Variants in TANC2 observed in about 807,000 individuals in gnomAD.
TANC2 encodes protein TANC2.
TANC2 carries 26 observed loss-of-function variants against 210.5 expected under a neutral mutation model. The observed-to-expected ratio is 0.12, with a 90% CI of 0.09 to 0.17. The LOEUF is 0.17. Ranked by LOEUF, TANC2 falls within the 10% of genes least tolerant of loss-of-function variation. TANC2 has a pLI of 1.00. For synonymous variants in TANC2, 931 were observed against 967.1 expected, an observed-to-expected ratio of 0.96 and a Z score of 0.69; for missense variants, 2,129 against 2,608.9, an observed-to-expected ratio of 0.82 and a Z score of 4.01.
intron 2 of TANC2, among the ~76,000 whole-genome samples, chr17:63,053,725 A>T (rs1178105857): frequency 6.6e-6 from 1 of 152,236 alleles, no homozygotes; most frequent in Non-Finnish European, 1.5e-5. Context: ...AACTCCGCAT[A>T]GTCTCCTCAT....
At chr17:63,320,552 A>G (rs1238895165) in intron 11 of TANC2, 1 of 152,206 alleles carries the variant, frequency 6.6e-6, no homozygotes, top group Non-Finnish European at 1.5e-5. Context: ...AAGCATCATT[A>G]TTCTATGCTT....
chr17:63,422,030 T>C, exon 28 of TANC2: 1 of 1,498,658 alleles, frequency 6.7e-7, no homozygotes, highest in East Asian at 2.3e-5. Context: ...TTCGAGGTAG[T>C]TCTCTGGCTT....
At chr17:63,230,772 A>G (rs897135947) in intron 7 of TANC2, among the ~76,000 whole-genome samples, 4 of 152,284 alleles carry the variant, frequency 2.6e-5, no homozygotes, top group Middle Eastern at 3.4e-3. Flanking sequence ...TTCTGTAGCT[A>G]TCTATCAGAT....
At chr17:63,389,595 A>G in intron 17 of TANC2, 51 bp downstream of exon 17, 2 of 1,486,846 alleles carry the variant, frequency 1.3e-6, no homozygotes, top group Non-Finnish European at 1.8e-6. Context: ...TTTATTTTCG[A>G]TGCATACTCT....
intron 3 of TANC2, among the ~76,000 whole-genome samples, chr17:63,085,155 CTT>C (rs1205385204): frequency 1.3e-5 from 2 of 152,118 alleles, no homozygotes; most frequent in African/African-American, 4.8e-5. Context: ...TTGATTCTCT[CTT>C]GTTACATACT....
At chr17:63,371,641 T>G (rs2047272530) in intron 14 of TANC2, among the ~76,000 whole-genome samples, 1 of 152,220 alleles carries the variant, frequency 6.6e-6, no homozygotes, top group Non-Finnish European at 1.5e-5. Context: ...TAGCATGTTT[T>G]GGTACTACAA....
At position 63,130,880 on chromosome 17, in the gene TANC2, A is replaced by T. The variant is rs919509265; in HGVS notation, c.323-20390A>T. On this transcript the variant is annotated intron_variant, in intron 4 of 27. Transcript: ENST00000689528. ...GCATCTTACCTTGATATGCAAAGAC[A>T]CCACTAAAATCCCTGGATAATAAAC... The T allele has an allele frequency of 5.3e-5, 8 of 152,204 alleles. No individual in the cohort carries two copies. The South Asian group carries it at 6.2e-4, about 12-fold the overall frequency. 9.4% of individuals were successfully genotyped at this position (152,204 alleles called of 1,614,324 possible). A position where few individuals can be genotyped will look rare whatever the true frequency, so the allele number is the denominator to read the frequency against.
At position 63,418,915 on chromosome 17, in the gene TANC2, C is replaced by T. The variant is rs1437845412; in HGVS notation, c.4268+508C>T. ...TCAGACCCCCTTCCACCTAAACCAT[C>T]ACCCACCACACACACACAGAGTCAA... On this transcript the variant is annotated intron_variant, in intron 27 of 27. Coordinates refer to ENST00000689528, the Ensembl canonical transcript of TANC2. This position sits in a 1 kb window ranked among gnomAD's most constrained non-coding sequence, Gnocchi z 4.6. 1.3e-5 allele frequency among the ~76,000 whole-genome samples: 2 copies of T among 152,044 alleles called. No individual in the cohort carries two copies. The highest frequency in any genetic ancestry group is 2.4e-5 in the African/African-American group (1 of 41,376).
chr17:63,121,732 C>T (rs1268391598), intron 4 of TANC2, among the ~76,000 whole-genome samples: 1 of 152,092 alleles, frequency 6.6e-6, no homozygotes, highest in Non-Finnish European at 1.5e-5. Context: ...CATAATACTC[C>T]TCACCTATAT....
chr17:63,124,335 A>G (rs1192348901), intron 4 of TANC2, among the ~76,000 whole-genome samples: 1 of 152,198 alleles, frequency 6.6e-6, no homozygotes, highest in Non-Finnish European at 1.5e-5. Flanking sequence ...AAGGAGCAGT[A>G]TGAAAGATAT....
chr17:63,242,220 G>A (rs1423600885), intron 8 of TANC2, among the ~76,000 whole-genome samples: 1 of 152,070 alleles, frequency 6.6e-6, no homozygotes, highest in Non-Finnish European at 1.5e-5. Flanking sequence ...CTTATGAGAT[G>A]TCTAAGACTC....
chr17:63,251,751 C>A (rs1161728001), intron 8 of TANC2, among the ~76,000 whole-genome samples: 1 of 152,046 alleles, frequency 6.6e-6, no homozygotes, highest in African/African-American at 2.4e-5. Flanking sequence ...TTTTTAAGGT[C>A]ATTGTACTTC....
chr17:62,977,260 C>T (rs2143349126), intron 1 of TANC2, among the ~76,000 whole-genome samples: 1 of 152,234 alleles, frequency 6.6e-6, no homozygotes, highest in Middle Eastern at 3.4e-3. Flanking sequence ...ATCTGTGTAT[C>T]TTTAGTATAA....
At chr17:63,139,299 C>G (rs986830922) in intron 4 of TANC2, among the ~76,000 whole-genome samples, 1 of 152,118 alleles carries the variant, frequency 6.6e-6, no homozygotes, top group Non-Finnish European at 1.5e-5. Flanking sequence ...ACAAACTAGA[C>G]AGAAAATGGA....
At chr17:63,415,878 C>T (rs530819109) in intron 26 of TANC2, among the ~76,000 whole-genome samples, 3 of 152,222 alleles carry the variant, frequency 2.0e-5, no homozygotes, top group Non-Finnish European at 2.9e-5. Flanking sequence ...ATTAATGCTG[C>T]GAGTACTTTG....
chr17:63,379,707 T>C lies in TANC2; in HGVS notation c.2583-11T>C. ...ATTAATTAATTAAAATGAATTTCTC[T>C]TTTTTTGCAGGAGTGGTCACACGTT... On this transcript the variant is annotated splice_polypyrimidine_tract_variant and intron_variant, in intron 14 of 27. Coordinates refer to ENST00000689528, the Ensembl canonical transcript of TANC2. The C allele has an allele frequency of 6.4e-7, 1 of 1,567,612 alleles. No homozygotes were observed. Among genetic ancestry groups the C allele is most frequent in the Non-Finnish European group, 8.6e-7 (1 of 1,157,780 alleles).
At chr17:63,150,480 C>G (rs1459372571) in intron 4 of TANC2, 3 of 152,120 alleles carry the variant, frequency 2.0e-5, no homozygotes, top group African/African-American at 7.2e-5. Flanking sequence ...GTAAAACTTT[C>G]AATTCATGAG....
At chr17:63,052,179 A>G (rs928900108) in intron 2 of TANC2, among the ~76,000 whole-genome samples, 2 of 152,190 alleles carry the variant, frequency 1.3e-5, no homozygotes, top group Non-Finnish European at 2.9e-5. Context: ...GTATGTGCTT[A>G]CTTTGTGCCA....
chr17:63,135,670 C>T (rs1476831944), intron 4 of TANC2, among the ~76,000 whole-genome samples: 1 of 151,898 alleles, frequency 6.6e-6, no homozygotes, highest in Non-Finnish European at 1.5e-5. Context: ...TATGATGAAC[C>T]ATGTTTATAT....
Sources: allele counts gnomAD v4.1 joint callset (sites outside exome capture counted in the v4.1 genomes callset), GRCh38; gene constraint gnomAD v4.1.1; non-coding constraint Gnocchi (gnomAD v3.1); transcripts MANE v1.5; gene names NCBI Gene and HGNC (gene_info 2026-07-23, HGNC 2026-07-21).